QTMAN: variants seen among roughly 807,000 people sequenced by gnomAD.
QTMAN encodes the protein queuosine-tRNA mannosyltransferase, also known as tRNA-queuosine alpha-mannosyltransferase.
the QTMAN span, among the ~76,000 whole-genome samples, chr2:144,218,751 G>A: frequency 1.3e-5 from 2 of 152,060 alleles, no homozygotes; most frequent in Non-Finnish European, 2.9e-5. Context: ...CCTATTTGAA[G>A]TACAGTAACA....
the QTMAN span, among the ~76,000 whole-genome samples, chr2:144,072,470 T>A: frequency 4.6e-5 from 7 of 152,186 alleles, no homozygotes; most frequent in Non-Finnish European, 8.8e-5. Context: ...ACTTAGTCCG[T>A]CTTCTCATTT....
At chr2:144,248,431 A>C in the QTMAN span, among the ~76,000 whole-genome samples, 3 of 152,236 alleles carry the variant, frequency 2.0e-5, no homozygotes, top group Non-Finnish European at 2.9e-5. Flanking sequence ...ACACAAAGAA[A>C]ATAAATTAAA....
the QTMAN span, among the ~76,000 whole-genome samples, chr2:144,033,980 T>C: frequency 6.6e-6 from 1 of 152,144 alleles, no homozygotes; most frequent in Non-Finnish European, 1.5e-5. Context: ...GATGCAGCAA[T>C]GTGGGTGCAG....
chr2:144,278,382 T>C, the QTMAN span, among the ~76,000 whole-genome samples: 1 of 152,150 alleles, frequency 6.6e-6, no homozygotes, highest in South Asian at 2.1e-4. Flanking sequence ...TCAACATATA[T>C]TAGGGATAAC....
At chr2:144,220,304 T>G in the QTMAN span, among the ~76,000 whole-genome samples, 11 of 152,170 alleles carry the variant, frequency 7.2e-5, no homozygotes, top group Non-Finnish European at 1.6e-4. Flanking sequence ...TTGAAACTAT[T>G]AAATAAAGAA....
the QTMAN span, among the ~76,000 whole-genome samples, chr2:144,110,699 AAC>A: frequency 7.0e-6 from 1 of 142,454 alleles, no homozygotes; most frequent in Non-Finnish European, 1.5e-5. Context: ...AAAAAAAAAA[AAC>A]CTTGTGCAAA....
the QTMAN span, among the ~76,000 whole-genome samples, chr2:144,004,414 C>T: frequency 1.3e-5 from 2 of 151,904 alleles, no homozygotes; most frequent in East Asian, 3.9e-4. Flanking sequence ...GAATGCTGAA[C>T]CAGAATCTTA....
At chr2:144,120,728 G>A in the QTMAN span, among the ~76,000 whole-genome samples, 243 of 152,246 alleles carry the variant, frequency 1.6e-3, 1 homozygote, top group Non-Finnish European at 2.8e-3. Context: ...AAGTATTAGG[G>A]AGATGCTTGG....
At chr2:144,103,064 T>C in the QTMAN span, among the ~76,000 whole-genome samples, 29 of 152,344 alleles carry the variant, frequency 1.9e-4, 1 homozygote, top group South Asian at 4.1e-4. Context: ...CCAGTCGTTA[T>C]AGGGGAATAT....
chr2:144,259,555 G>A, the QTMAN span, among the ~76,000 whole-genome samples: 2 of 152,212 alleles, frequency 1.3e-5, no homozygotes, highest in East Asian at 1.9e-4. Context: ...CTCTTTTGGC[G>A]AGCGACCAAG....
the QTMAN span, among the ~76,000 whole-genome samples, chr2:144,161,088 G>A: frequency 6.6e-6 from 1 of 152,138 alleles, no homozygotes; most frequent in African/African-American, 2.4e-5. Flanking sequence ...GTAACATGTG[G>A]TCTGAAGAGA....
chr2:144,208,281 A>G, the QTMAN span, among the ~76,000 whole-genome samples: 1 of 152,218 alleles, frequency 6.6e-6, no homozygotes, highest in Non-Finnish European at 1.5e-5. Context: ...CAGAGCAGAT[A>G]CAATGAACCA....
chr2:144,298,766 T>G, the QTMAN span, among the ~76,000 whole-genome samples: 4 of 152,198 alleles, frequency 2.6e-5, no homozygotes, highest in African/African-American at 4.8e-5. Flanking sequence ...TGTAGCAAAA[T>G]GATCTAGGGC....
At chr2:144,312,065 A>C in the QTMAN span, among the ~76,000 whole-genome samples, 1 of 152,090 alleles carries the variant, frequency 6.6e-6, no homozygotes, top group East Asian at 1.9e-4. Flanking sequence ...CCCCAGATAA[A>C]TTCCATTATT....
the QTMAN span, among the ~76,000 whole-genome samples, chr2:144,056,080 T>C: frequency 1.3e-5 from 2 of 152,208 alleles, no homozygotes; most frequent in Admixed American, 6.5e-5. Context: ...TGACTTCTGA[T>C]ACACAGTGAG....
At chr2:143,966,234 C>T in the QTMAN span, among the ~76,000 whole-genome samples, 3 of 152,162 alleles carry the variant, frequency 2.0e-5, no homozygotes, top group African/African-American at 7.2e-5. Flanking sequence ...TTACTTTTTT[C>T]AGCTGTAAAT....
chr2:143,960,744 A>G, the QTMAN span, among the ~76,000 whole-genome samples: 27 of 152,224 alleles, frequency 1.8e-4, 1 homozygote, highest in East Asian at 3.7e-3. Context: ...TGAGGAATAA[A>G]AAGTGTTTTC....
At chr2:144,165,028 G>C in the QTMAN span, among the ~76,000 whole-genome samples, 8 of 152,016 alleles carry the variant, frequency 5.3e-5, no homozygotes, top group Non-Finnish European at 1.0e-4. Context: ...ACTTTGGTTG[G>C]GTTCATAGCT....
chr2:144,287,167 T>A, the QTMAN span, among the ~76,000 whole-genome samples: 18 of 152,326 alleles, frequency 1.2e-4, no homozygotes, highest in Non-Finnish European at 1.3e-4. Flanking sequence ...CCGGGCACGG[T>A]GGCTCACGCC....
Sources: allele counts gnomAD v4.1 joint callset (sites outside exome capture counted in the v4.1 genomes callset), GRCh38; gene constraint gnomAD v4.1.1; transcripts MANE v1.5; gene names NCBI Gene and HGNC (gene_info 2026-07-23, HGNC 2026-07-21).